The following AK8 variants were observed in gnomAD, a reference collection of about 807,000 sequenced individuals.
The protein encoded by AK8 is adenylate kinase 8.
Under a neutral mutation model 54.6 loss-of-function variants are expected in AK8, and 44 were observed. The ratio of observed to expected loss-of-function variants is 0.81; its 90% CI spans 0.63 to 1.04. The LOEUF (loss-of-function observed/expected upper bound fraction) is 1.04, where lower values mean the gene tolerates loss of function less well. AK8 is among the 50% of genes least tolerant of loss of function. The pLI is 0.00. For missense variants in AK8, 555 were observed against 613.6 expected (o/e 0.90, Z 1.01); for synonymous variants, 239 against 245.6 (o/e 0.97, Z 0.25).
chr9:132,727,365 G>C, intron 12 of AK8, 89 bp downstream of exon 12: 1 of 1,206,244 alleles, frequency 8.3e-7, no homozygotes, highest in Non-Finnish European at 1.2e-6. Context: ...TGTTATCCCT[G>C]CAGTGTTTCC....
chr9:132,789,790 G>A (rs1215089840), intron 11 of AK8, among the ~76,000 whole-genome samples: 2 of 151,744 alleles, frequency 1.3e-5, no homozygotes, highest in Admixed American at 6.6e-5. Flanking sequence ...CATTTTCCAC[G>A]GCCCCCATCT....
intron 2 of AK8, among the ~76,000 whole-genome samples, chr9:132,872,255 GAGCCTAGGAGGTCA>G (rs1389937812): frequency 3.9e-5 from 6 of 152,146 alleles, no homozygotes; most frequent in Non-Finnish European, 8.8e-5. Context: ...AGGATCACTT[GAGCCTAGGAGGTCA>G]AGCCTGTAAT....
At position 132,863,676 on chromosome 9, in the gene AK8, G is replaced by A; in HGVS notation, c.322C>T (p.Leu108=). 1.2e-6 allele frequency: 2 copies of A among 1,613,142 alleles called. No homozygotes were observed. The highest frequency in any genetic ancestry group is 1.7e-6 in the Non-Finnish European group (2 of 1,179,486). The change falls in exon 4 of 13, where the codon CTG becomes TTG. Residue 108 remains leucine (L), a synonymous_variant. Coordinates refer to ENST00000298545, the MANE Select transcript of AK8 (RefSeq NM_152572.3). ...GGGGCCAGTCCTACCTTCCTTTGCAGATAAAGCCTTCTGGCTTCGGTGGCC... is the reference window on the plus strand; with the variant it reads ...GGGGCCAGTCCTACCTTCCTTTGCAAATAAAGCCTTCTGGCTTCGGTGGCC... ...YTATEARRLY[L]QRKTVPSALL...
intron 11 of AK8, among the ~76,000 whole-genome samples, chr9:132,789,807 C>T (rs1382666360): frequency 6.6e-6 from 1 of 151,982 alleles, no homozygotes; most frequent in Non-Finnish European, 1.5e-5. Flanking sequence ...ATCTTTGAGC[C>T]ACCAATGCTG....
rs1009737277 is a variant in AK8 at position 132,726,208 on chromosome 9, C to CTCCTTCCCTCCTTCCT, written c.1203-299_1203-284dup. On this transcript the variant is annotated intron_variant, in intron 12 of 12. Transcript: ENST00000298545. ...GGCAAATTCTTTCCTTCCTCCCTCC[C>CTCCTTCCCTCCTTCCT]TCCTTCCCTCCTTCCTTCCTTCCCT... Among the ~76,000 whole-genome samples the CTCCTTCCCTCCTTCCT allele has an allele frequency of 4.7e-4, 71 of 151,744 alleles. No individual in the cohort carries two copies. The South Asian group carries it at 8.0e-3, about 17-fold the overall frequency.
intron 11 of AK8, among the ~76,000 whole-genome samples, chr9:132,789,609 A>AAG (rs1219078207): frequency 6.6e-6 from 1 of 150,582 alleles, no homozygotes; most frequent in East Asian, 1.9e-4. Flanking sequence ...AAAAAAAAAA[A>AAG]AAAAAAAAAA....
intron 11 of AK8, among the ~76,000 whole-genome samples, chr9:132,740,859 C>T (rs4962210): frequency 0.52 from 79,631 of 152,062 alleles, 21,981 homozygotes; most frequent in African/African-American, 0.69. Flanking sequence ...GGCTCCTTCG[C>T]TGATGGATGG....
At chr9:132,768,516 C>T (rs1838817607) in intron 11 of AK8, among the ~76,000 whole-genome samples, 1 of 152,218 alleles carries the variant, frequency 6.6e-6, no homozygotes, top group South Asian at 2.1e-4. Flanking sequence ...ATCTGCCCAC[C>T]TCAGCCTCCC....
chr9:132,732,135 G>A (rs1836871789), intron 11 of AK8, among the ~76,000 whole-genome samples: 1 of 129,056 alleles, frequency 7.7e-6, no homozygotes, highest in South Asian at 2.8e-4. Flanking sequence ...AAAGTGCTCT[G>A]TGGTGTTTTT....
intron 11 of AK8, among the ~76,000 whole-genome samples, chr9:132,774,312 G>A (rs1590225554): frequency 6.6e-6 from 1 of 152,174 alleles, no homozygotes; most frequent in East Asian, 1.9e-4. Flanking sequence ...AGCCAACAAG[G>A]AGGCGATGCC....
At chr9:132,854,065 G>A (rs1843077110) in intron 5 of AK8, among the ~76,000 whole-genome samples, 1 of 152,030 alleles carries the variant, frequency 6.6e-6, no homozygotes, top group Non-Finnish European at 1.5e-5. Context: ...GCTGGGTGTG[G>A]TGATGCATGC....
intron 11 of AK8, among the ~76,000 whole-genome samples, chr9:132,748,455 G>A (rs1837756904): frequency 6.6e-6 from 1 of 151,990 alleles, no homozygotes; most frequent in South Asian, 2.1e-4. Flanking sequence ...GTGCTCAGGT[G>A]CGAGAGGGCT....
intron 5 of AK8, among the ~76,000 whole-genome samples, chr9:132,839,516 A>C (rs1015550943): frequency 1.3e-5 from 2 of 152,164 alleles, no homozygotes; most frequent in East Asian, 3.9e-4. Flanking sequence ...GTGCTGGGGA[A>C]TAAGAGGCGA....
intron 11 of AK8, among the ~76,000 whole-genome samples, chr9:132,753,637 G>T (rs990549968): frequency 6.6e-6 from 1 of 152,220 alleles, no homozygotes; most frequent in Non-Finnish European, 1.5e-5. Flanking sequence ...CTTGCTGGAG[G>T]GTATGGGTCA....
rs571765969 is a variant in AK8 at position 132,790,185 on chromosome 9, C to A, written c.1121+2449G>T. Among the ~76,000 whole-genome samples the A allele has an allele frequency of 2.6e-5, 4 of 151,780 alleles. No individual in the cohort carries two copies. Among genetic ancestry groups the A allele is most frequent in the African/African-American group, 9.7e-5 (4 of 41,410 alleles). On this transcript the variant is annotated intron_variant, in intron 11 of 12. Transcript: ENST00000298545. The surrounding 1 kb of genome is among the most constrained non-coding windows in gnomAD (Gnocchi z 4.1). ...ATACCAATGTGTCAAAAAGGAAAAA[C>A]AATTTTAAAGGATGCTGAAAAGCTC...
intron 5 of AK8, among the ~76,000 whole-genome samples, chr9:132,831,053 C>T (rs1259100066): frequency 6.6e-6 from 1 of 152,226 alleles, no homozygotes; most frequent in Non-Finnish European, 1.5e-5. Flanking sequence ...CCTCTGAGGA[C>T]ACTTATCACA....
intron 11 of AK8, among the ~76,000 whole-genome samples, chr9:132,745,548 A>G (rs1188522726): frequency 1.3e-5 from 2 of 152,200 alleles, no homozygotes; most frequent in African/African-American, 4.8e-5. Context: ...GTGATTAAAA[A>G]GGCTCAGCAT....
chr9:132,846,875 C>T (rs1296717577), intron 5 of AK8, among the ~76,000 whole-genome samples: 1 of 152,202 alleles, frequency 6.6e-6, no homozygotes, highest in Admixed American at 6.5e-5. Context: ...AACATGGGCA[C>T]AATAATAGTA....
chr9:132,834,733 A>G lies in AK8; in HGVS notation c.403-6007T>C, dbSNP rs2771988. Among the ~76,000 whole-genome samples the G allele has an allele frequency of 8.8e-3, 1,336 of 152,280 alleles. 18 individuals are homozygous for G. The highest frequency in any genetic ancestry group is 0.031 in the African/African-American group (1,281 of 41,552). Reference sequence around the variant, plus strand: ...AGTTGAATTCCACCCTTGATAATCAATGATACATGCGTGGTATTTTTATAC... The same window carrying G: ...AGTTGAATTCCACCCTTGATAATCAGTGATACATGCGTGGTATTTTTATAC... On this transcript the variant is annotated intron_variant, in intron 5 of 12. Transcript: ENST00000298545.
Sources: allele counts gnomAD v4.1 joint callset (sites outside exome capture counted in the v4.1 genomes callset), GRCh38; gene constraint gnomAD v4.1.1; non-coding constraint Gnocchi (gnomAD v3.1); transcripts MANE v1.5; gene names NCBI Gene and HGNC (gene_info 2026-07-23, HGNC 2026-07-21).